Variants in CFAP61 observed in about 807,000 individuals in gnomAD.
CFAP61 encodes the protein cilia and flagella associated protein 61.
A neutral mutation model predicts 135.6 loss-of-function variants in CFAP61; 107 were observed. That is an observed-to-expected ratio of 0.79 (90% CI 0.67 to 0.93). The LOEUF (loss-of-function observed/expected upper bound fraction) is 0.93. Among genes scored for constraint, CFAP61 ranks in the 40% least tolerant of loss-of-function variants. CFAP61 has a pLI of 0.00. For synonymous variants in CFAP61, 575 were observed against 578.5 expected (o/e 0.99, Z 0.09); for missense variants, 1,507 against 1,556.2 (o/e 0.97, Z 0.53).
chr20:20,307,297 T>C (rs1168329090), intron 25 of CFAP61, among the ~76,000 whole-genome samples: 2 of 152,216 alleles, frequency 1.3e-5, no homozygotes, highest in African/African-American at 4.8e-5. Flanking sequence ...AGCCATTTAA[T>C]CTCATTGAGC....
intron 13 of CFAP61, among the ~76,000 whole-genome samples, chr20:20,181,530 T>C (rs1351898911): frequency 6.6e-6 from 1 of 151,740 alleles, no homozygotes; most frequent in Non-Finnish European, 1.5e-5. Flanking sequence ...AGGGGCCACT[T>C]TGGGTGGGGC....
At chr20:20,289,668 CA>C (rs2054861413) in intron 23 of CFAP61, among the ~76,000 whole-genome samples, 1 of 152,162 alleles carries the variant, frequency 6.6e-6, no homozygotes, top group African/African-American at 2.4e-5. Flanking sequence ...CCCCACATTC[CA>C]TCCTTGTCTT....
intron 8 of CFAP61, among the ~76,000 whole-genome samples, chr20:20,122,505 G>A (rs531594794): frequency 2.1e-4 from 32 of 152,306 alleles, no homozygotes; most frequent in African/African-American, 7.5e-4. Flanking sequence ...CCACATATCA[G>A]TGAAAACATA....
At chr20:20,099,167 C>G (rs1282391910) in intron 8 of CFAP61, among the ~76,000 whole-genome samples, 1 of 141,442 alleles carries the variant, frequency 7.1e-6, no homozygotes, top group African/African-American at 2.6e-5. Context: ...CCAAATACAA[C>G]AAGTGAATTT....
At position 20,298,249 on chromosome 20, in the gene CFAP61, A is replaced by T; in HGVS notation, c.3285A>T (p.Lys1095Asn). 2 of 1,614,102 alleles carry T rather than the reference A, an allele frequency of 1.2e-6. No individual in the cohort carries two copies. Among genetic ancestry groups the T allele is most frequent in the Non-Finnish European group, 1.7e-6 (2 of 1,179,986 alleles). ...TYFRIHINKY[K>N]MVETITCLSR... Reference sequence around the variant, plus strand: ...TCCGAATTCATATTAACAAGTATAAAATGGTGGAAACCATCACGTGCCTTT... The same window carrying T: ...TCCGAATTCATATTAACAAGTATAATATGGTGGAAACCATCACGTGCCTTT... Residue 1095 changes from lysine (K) to asparagine (N), a missense_variant, in exon 25 of 27, where the codon AAA becomes AAT. Physicochemically the swap from Lys to Asn is moderately conservative, Grantham distance 94. Coordinates refer to ENST00000245957, the MANE Select transcript of CFAP61 (RefSeq NM_015585.4).
In CFAP61 at chr20:20,269,146, T is replaced by TACAC. The variant is rs1192884602; in HGVS notation, c.2503+6032_2503+6035dup. Among the ~76,000 whole-genome samples, 37 of 85,606 alleles carry TACAC rather than the reference T, an allele frequency of 4.3e-4. 1 individual carries two copies. The highest frequency in any genetic ancestry group is 3.9e-3 in the South Asian group (9 of 2,334). 56.2% of individuals were successfully genotyped at this position (85,606 alleles called of 152,430 possible). A position where few individuals can be genotyped will look rare whatever the true frequency, so the allele number is the denominator to read the frequency against. Reference sequence around the variant, plus strand: ...ATATATATATATATATATATATATATACACACACACACACACACATACATA... The same window carrying TACAC: ...ATATATATATATATATATATATATATACACACACACACACACACACACATACATA... On this transcript the variant is annotated intron_variant, in intron 21 of 26. Coordinates refer to ENST00000245957, the MANE Select transcript of CFAP61 (RefSeq NM_015585.4).
At chr20:20,243,761 C>A (rs1034076747) in intron 18 of CFAP61, among the ~76,000 whole-genome samples, 2 of 152,110 alleles carry the variant, frequency 1.3e-5, no homozygotes, top group Non-Finnish European at 2.9e-5. Context: ...ATCATTATAG[C>A]ATTAACTCAA....
chr20:20,189,570 T>C (rs915934709), intron 14 of CFAP61, among the ~76,000 whole-genome samples: 1 of 151,114 alleles, frequency 6.6e-6, no homozygotes, highest in Non-Finnish European at 1.5e-5. Context: ...GTCCTAGTGG[T>C]CCTGGTGTTC....
intron 7 of CFAP61, among the ~76,000 whole-genome samples, chr20:20,091,574 A>C (rs892997947): frequency 4.6e-5 from 7 of 152,006 alleles, no homozygotes; most frequent in Admixed American, 3.9e-4. Context: ...ATGCCCCTTT[A>C]CCTGTAAGTA....
intron 25 of CFAP61, among the ~76,000 whole-genome samples, chr20:20,304,426 CA>C (rs2056328858): frequency 6.6e-6 from 1 of 151,908 alleles, no homozygotes; most frequent in Non-Finnish European, 1.5e-5. Flanking sequence ...TAAAGTCACA[CA>C]AATATGTTAC....
chr20:20,116,501 T>G (rs1023468271), intron 8 of CFAP61, among the ~76,000 whole-genome samples: 4 of 152,232 alleles, frequency 2.6e-5, no homozygotes, highest in Admixed American at 2.6e-4. Context: ...CAAAAAATCC[T>G]TGTCCAGACC....
In CFAP61 at chr20:20,150,934, GAC is replaced by G. The variant is rs547999645; in HGVS notation, c.951+7988_951+7989del. On this transcript the variant is annotated intron_variant, in intron 9 of 26. Coordinates refer to ENST00000245957, the MANE Select transcript of CFAP61 (RefSeq NM_015585.4). Reference sequence around the variant, plus strand: ...CCCTTGAGTTCCAGATTTTTCCACTGACATAGTCTACCCAAATGAGAAGGAAC... The same window carrying G: ...CCCTTGAGTTCCAGATTTTTCCACTGATAGTCTACCCAAATGAGAAGGAAC... Among the ~76,000 whole-genome samples the G allele has an allele frequency of 7.1e-4, 108 of 152,236 alleles. 1 individual carries two copies. Among genetic ancestry groups the G allele is most frequent in the African/African-American group, 2.5e-3 (102 of 41,540 alleles).
intron 21 of CFAP61, among the ~76,000 whole-genome samples, chr20:20,276,269 CAGAG>C (rs1028843825): frequency 1.3e-5 from 2 of 152,108 alleles, no homozygotes; most frequent in African/African-American, 2.4e-5. Context: ...AGGAGAAAAA[CAGAG>C]AGACATTCAA....
chr20:20,078,671 T>G (rs2046224200), intron 6 of CFAP61, among the ~76,000 whole-genome samples: 1 of 151,898 alleles, frequency 6.6e-6, no homozygotes, highest in South Asian at 2.1e-4. Flanking sequence ...AGGGCAGAAC[T>G]TTGAAAGATG....
At chr20:20,128,586 G>A (rs184704162) in intron 8 of CFAP61, among the ~76,000 whole-genome samples, 1 of 151,738 alleles carries the variant, frequency 6.6e-6, no homozygotes, top group Non-Finnish European at 1.5e-5. Flanking sequence ...GAGGGTCTGC[G>A]GGTCCTTTCA....
chr20:20,340,352 A>G (rs959686551), intron 25 of CFAP61, among the ~76,000 whole-genome samples: 4 of 152,134 alleles, frequency 2.6e-5, no homozygotes, highest in Non-Finnish European at 2.9e-5. Context: ...CCAGGGGTTC[A>G]GAGGGAGGCA....
intron 22 of CFAP61, among the ~76,000 whole-genome samples, chr20:20,286,389 C>T (rs966070993): frequency 6.6e-6 from 1 of 152,198 alleles, no homozygotes; most frequent in Non-Finnish European, 1.5e-5. Flanking sequence ...ATCATGCGCT[C>T]CATGCTTATG....
At chr20:20,342,484 G>A (rs2058481343) in intron 26 of CFAP61, among the ~76,000 whole-genome samples, 1 of 152,220 alleles carries the variant, frequency 6.6e-6, no homozygotes, top group Admixed American at 6.5e-5. Context: ...GAAACTTTAA[G>A]TTAAAATATT....
chr20:20,075,883 C>T (rs563614445), intron 6 of CFAP61, among the ~76,000 whole-genome samples: 1 of 152,154 alleles, frequency 6.6e-6, no homozygotes, highest in East Asian at 1.9e-4. Context: ...ATCCTAGGTC[C>T]CACACCAGTA....
Sources: gnomAD v4.1 joint callset for allele counts (sites outside exome capture counted in the v4.1 genomes callset) on GRCh38, gnomAD v4.1.1 for gene constraint, MANE v1.5 for transcripts, NCBI Gene and HGNC (gene_info 2026-07-23, HGNC 2026-07-21) for gene names.